The following NUP210 variants were observed in gnomAD, a reference collection of about 807,000 sequenced individuals.
The protein encoded by NUP210 is nuclear pore membrane glycoprotein 210.
NUP210 carries 151 observed loss-of-function variants against 196.0 expected under a neutral mutation model. That is an observed-to-expected ratio of 0.77 (90% CI 0.67 to 0.88). The LOEUF is 0.88. Ranked by LOEUF, NUP210 falls within the 40% of genes least tolerant of loss-of-function variation. The pLI, the probability that NUP210 is intolerant of heterozygous loss-of-function variation, is 0.00. For missense variants in NUP210, 2,314 were observed against 2,493.7 expected (o/e 0.93, Z 1.53); for synonymous variants, 1,070 against 1,052.7 (o/e 1.02, Z -0.32).
At chr3:13,336,717 C>T in intron 27 of NUP210, 70 bp downstream of exon 27, 2 of 1,517,030 alleles carry the variant, frequency 1.3e-6, no homozygotes, top group East Asian at 2.4e-5. Context: ...GGCAGGAACC[C>T]TCCCTGCCAC....
At chr3:13,364,761 A>G (rs1196027147) in intron 14 of NUP210, among the ~76,000 whole-genome samples, 1 of 152,146 alleles carries the variant, frequency 6.6e-6, no homozygotes, top group East Asian at 1.9e-4. Context: ...CTGGAAGGCA[A>G]TGGTTGCGGT....
In NUP210 at chr3:13,350,437, A is replaced by AAAAACAAAAC. The variant is rs139729376; in HGVS notation, c.2835+1432_2835+1441dup. Among the ~76,000 whole-genome samples, 1,143 of 145,414 alleles carry AAAAACAAAAC rather than the reference A, an allele frequency of 7.9e-3. 18 individuals are homozygous for AAAAACAAAAC. Among genetic ancestry groups the AAAAACAAAAC allele is most frequent in the East Asian group, 0.041 (204 of 4,948 alleles). Reference sequence around the variant, plus strand: ...AGTTTCCAACAATTATAGGACATGAAAAAACAAAACAAAACAAAACAAAAC... The same window carrying AAAAACAAAAC: ...AGTTTCCAACAATTATAGGACATGAAAAAACAAAACAAAACAAAACAAAACAAAACAAAAC... On this transcript the variant is annotated intron_variant, in intron 20 of 39. Transcript: ENST00000254508. The surrounding 1 kb of genome is among the most constrained non-coding windows in gnomAD (Gnocchi z 4.1).
Position 13,353,546 on chromosome 3 carries a change from G to A in NUP210, c.2628+8C>T. ...ATAGCCCACCCACCACTGGGCCCTG[G>A]GAGATACCGGCTGCTTTGTTCTGGC... On this transcript the variant is annotated splice_region_variant and intron_variant, in intron 18 of 39. Coordinates refer to ENST00000254508, the MANE Select transcript of NUP210 (RefSeq NM_024923.4). The A allele has an allele frequency of 6.2e-7, 1 of 1,611,252 alleles. No homozygotes were observed. Among genetic ancestry groups the A allele is most frequent in the Non-Finnish European group, 8.5e-7 (1 of 1,177,486 alleles).
intron 20 of NUP210, among the ~76,000 whole-genome samples, chr3:13,343,606 A>G (rs1269176554): frequency 1.3e-5 from 2 of 152,168 alleles, no homozygotes; most frequent in African/African-American, 4.8e-5. Flanking sequence ...CACATTTTAC[A>G]AAGAGAAGAA....
chr3:13,323,351 T>C lies in NUP210; in HGVS notation c.4726A>G (p.Lys1576Glu). Residue 1576 changes from lysine to glutamate, a missense_variant, in exon 34 of 40, where the codon AAA becomes GAA. Transcript: ENST00000254508. The surrounding 1 kb of genome is among the most constrained non-coding windows in gnomAD (Gnocchi z 4.3). ...QTSFQEATAS[K>E]VIVAVGDRSS... is the part of the protein sequence containing the mutation. ...CTGTCTCCCACGGCAACAATCACTT[T>C]GGAGGCTGTAGCCTCCTGGAAGCTG... 6.2e-7 allele frequency: 1 copy of C among 1,614,082 alleles called. No homozygotes were observed. Among genetic ancestry groups the C allele is most frequent in the African/African-American group, 1.3e-5 (1 of 75,040 alleles).
chr3:13,335,143 C>T (rs982297216), intron 28 of NUP210, among the ~76,000 whole-genome samples: 1 of 152,228 alleles, frequency 6.6e-6, no homozygotes, highest in Non-Finnish European at 1.5e-5. Flanking sequence ...ACACAGTGAG[C>T]CCCAAGCTCA....
At chr3:13,388,138 C>T (rs1169328384) in intron 5 of NUP210, among the ~76,000 whole-genome samples, 165 bp downstream of exon 5, 1 of 152,110 alleles carries the variant, frequency 6.6e-6, no homozygotes, top group East Asian at 1.9e-4. Flanking sequence ...CTCAAACAAA[C>T]CAAACCAAAC....
intron 3 of NUP210, among the ~76,000 whole-genome samples, chr3:13,396,760 C>A (rs1215670522): frequency 2.0e-3 from 127 of 62,084 alleles, no homozygotes; most frequent in East Asian, 4.8e-3. Flanking sequence ...GACTCTGTCT[C>A]AAAAAAAAAA....
chr3:13,348,943 T>C lies in NUP210; in HGVS notation c.2835+2936A>G. 3.1e-6 allele frequency: 3 copies of C among 967,954 alleles called. No homozygotes were observed. Among genetic ancestry groups the C allele is most frequent in the Non-Finnish European group, 3.7e-6 (3 of 813,988 alleles). 60.0% of individuals were successfully genotyped at this position (967,954 alleles called of 1,614,324 possible). Reference sequence around the variant, plus strand: ...GGGGTGTTTCACACAAAAATAGAGATCTCTATTTTCTCTTGAAAATCAGAA... The same window carrying C: ...GGGGTGTTTCACACAAAAATAGAGACCTCTATTTTCTCTTGAAAATCAGAA... On this transcript the variant is annotated intron_variant, in intron 20 of 39. Transcript: ENST00000254508. This position sits in a 1 kb window ranked among gnomAD's most constrained non-coding sequence, Gnocchi z 4.0.
At chr3:13,362,777 G>A (rs986021906) in intron 14 of NUP210, among the ~76,000 whole-genome samples, 1 of 152,098 alleles carries the variant, frequency 6.6e-6, no homozygotes, top group Non-Finnish European at 1.5e-5. Flanking sequence ...TCCTGCAGGA[G>A]AAGCACTAAG....
In NUP210 at chr3:13,365,838, A is replaced by T. The variant is rs528752478; in HGVS notation, c.1932+108T>A. The T allele has an allele frequency of 6.5e-6, 8 of 1,236,216 alleles. No individual in the cohort carries two copies. In the Admixed American group the frequency reaches 9.4e-5, roughly 14 times the overall value. The allele number at this position is 1,236,216 out of a possible 1,614,324, so 76.6% of individuals were successfully genotyped here. ...GGGAGAGGAAGCTGTGCCAAAAGCTATTTTGAAGGAATCGGGTTTATCATG... is the reference window on the plus strand; with the variant it reads ...GGGAGAGGAAGCTGTGCCAAAAGCTTTTTTGAAGGAATCGGGTTTATCATG... On this transcript the variant is annotated intron_variant, in intron 14 of 39. Transcript: ENST00000254508.
rs1379371233 is a variant in NUP210 at position 13,319,322 on chromosome 3, C to T, written c.5387G>A (p.Gly1796Glu). The T allele has an allele frequency of 6.2e-7, 1 of 1,607,366 alleles. No individual in the cohort carries two copies. Among genetic ancestry groups the T allele is most frequent in the African/African-American group, 1.3e-5 (1 of 74,814 alleles). Residue 1796 changes from glycine to glutamate, a missense_variant, in exon 38 of 40, where the codon GGA (glycine) becomes GAA (glutamate). Transcript: ENST00000254508. ...VVDRRGPGPY[G>E]ASLFQHFLDS... The stretch of plus-strand genomic sequence containing the variant: ...CAGGAAGTGCTGGAAGAGGCTGGCT[C>T]CATCTGCCATCAATGGGAAGATGAG...
chr3:13,319,323 C>T lies in NUP210; in HGVS notation c.5386G>A (p.Gly1796Arg). 1 of 1,606,998 alleles carries T rather than the reference C, an allele frequency of 6.2e-7. No individual in the cohort carries two copies. Among genetic ancestry groups the T allele is most frequent in the Non-Finnish European group, 8.5e-7 (1 of 1,176,314 alleles). The stretch of plus-strand genomic sequence containing the variant: ...AGGAAGTGCTGGAAGAGGCTGGCTC[C>T]ATCTGCCATCAATGGGAAGATGAGT... ...VVDRRGPGPYGASLFQHFLDS... is the reference protein window; with the variant it reads ...VVDRRGPGPYRASLFQHFLDS... The change falls in exon 38 of 40, where the codon GGA becomes AGA. Residue 1796 changes from glycine (G) to arginine (R), a missense_variant and splice_region_variant. By Grantham distance (125) the Gly-to-Arg change is moderately radical. Transcript: ENST00000254508.
At position 13,328,936 on chromosome 3, in the gene NUP210, A is replaced by T. The variant is rs768666998; in HGVS notation, c.4121T>A (p.Val1374Asp). Residue 1374 changes from valine (V) to aspartate (D), a missense_variant, in exon 31 of 40, where the codon GTT becomes GAT. Val to Asp is a radical substitution (Grantham distance 152). Coordinates refer to ENST00000254508, the MANE Select transcript of NUP210 (RefSeq NM_024923.4). ...TIIVAVKVSPVSYLRVSMSPV... is the reference protein window; with the variant it reads ...TIIVAVKVSPDSYLRVSMSPV... ...GCTCATGGAAACCCTCAGGTAGGAA[A>T]CAGGGGATACCTAAGGGACAACATA... 6 of 1,613,848 alleles carry T rather than the reference A, an allele frequency of 3.7e-6. No homozygotes were observed. In the Admixed American group the frequency reaches 1.0e-4, roughly 27 times the overall value.
At position 13,348,872 on chromosome 3, in the gene NUP210, C is replaced by A; in HGVS notation, c.2835+3007G>T. 1 of 984,718 alleles carries A rather than the reference C, an allele frequency of 1.0e-6. No individual in the cohort carries two copies. The highest frequency in any genetic ancestry group is 1.2e-6 in the Non-Finnish European group (1 of 829,842). 61.0% of individuals were successfully genotyped at this position (984,718 alleles called of 1,614,324 possible). A position where few individuals can be genotyped will look rare whatever the true frequency, so the allele number is the denominator to read the frequency against. On this transcript the variant is annotated intron_variant, in intron 20 of 39. Coordinates refer to ENST00000254508, the MANE Select transcript of NUP210 (RefSeq NM_024923.4). This position sits in a 1 kb window ranked among gnomAD's most constrained non-coding sequence, Gnocchi z 4.0. The stretch of plus-strand genomic sequence containing the variant: ...GCTGAAGGAAGGTTTTCGAAAACAC[C>A]CCAAACACCAAACAAAAAAACTGAA...
intron 25 of NUP210, among the ~76,000 whole-genome samples, chr3:13,338,223 G>A (rs913805724): frequency 1.3e-5 from 2 of 152,226 alleles, no homozygotes; most frequent in African/African-American, 4.8e-5. Flanking sequence ...ACTGGTGCCT[G>A]CTCTTCCTTA....
intron 26 of NUP210, 111 bp from the exon 27 acceptor site, chr3:13,337,029 A>G (rs1249729761): frequency 1.4e-5 from 19 of 1,319,870 alleles, no homozygotes; most frequent in Non-Finnish European, 1.8e-5. Flanking sequence ...TTCCTCCCCA[A>G]CTAGAGAAGA....
At chr3:13,346,231 G>A (rs752839844) in intron 20 of NUP210, among the ~76,000 whole-genome samples, 21 of 152,186 alleles carry the variant, frequency 1.4e-4, no homozygotes, top group African/African-American at 4.1e-4. Context: ...CTGTAAGGGC[G>A]TGCCCACCAG....
At position 13,397,337 on chromosome 3, in the gene NUP210, C is replaced by G. The variant is rs566715657; in HGVS notation, c.436+20G>C. On this transcript the variant is annotated intron_variant, in intron 3 of 39. Coordinates refer to ENST00000254508, the MANE Select transcript of NUP210 (RefSeq NM_024923.4). The stretch of plus-strand genomic sequence containing the variant: ...TCTAGCATGGGCTGCAGAAGACAAA[C>G]AGGCAGGGGACGTTCTCACCTTCGG... 6.1e-5 allele frequency: 98 copies of G among 1,605,470 alleles called. No homozygotes were observed. The South Asian group carries it at 9.7e-4, about 16-fold the overall frequency.
Sources: allele counts gnomAD v4.1 joint callset (sites outside exome capture counted in the v4.1 genomes callset), GRCh38; gene constraint gnomAD v4.1.1; non-coding constraint Gnocchi (gnomAD v3.1); transcripts MANE v1.5; gene names NCBI Gene and HGNC (gene_info 2026-07-23, HGNC 2026-07-21).